NTNG1: variants seen among roughly 807,000 people sequenced by gnomAD.
The protein encoded by NTNG1 is netrin-G1.
A neutral mutation model predicts 54.0 loss-of-function variants in NTNG1; 16 were observed. The observed-to-expected ratio is 0.30, with a 90% CI of 0.20 to 0.45. NTNG1 has a LOEUF of 0.45. Ranked by LOEUF, NTNG1 falls within the 20% of genes least tolerant of loss-of-function variation. NTNG1 has a pLI of 1.00. For synonymous variants in NTNG1, 255 were observed against 263.1 expected, an observed-to-expected ratio of 0.97 and a Z score of 0.30; for missense variants, 530 against 678.7, an observed-to-expected ratio of 0.78 and a Z score of 2.43.
chr1:107,360,770 G>A lies in NTNG1; in HGVS notation c.888-34384G>A, dbSNP rs570744318. Among the ~76,000 whole-genome samples the A allele has an allele frequency of 4.6e-5, 7 of 152,260 alleles. No homozygotes were observed. The South Asian group carries it at 8.3e-4, about 18-fold the overall frequency. The stretch of plus-strand genomic sequence containing the variant: ...ACATCCTATGCTAAGCCCTGTTTAG[G>A]ATGTAAAGATCACTTAATATATGGT... On this transcript the variant is annotated intron_variant, in intron 3 of 7. Coordinates refer to ENST00000370068, the MANE Select transcript of NTNG1 (RefSeq NM_001113226.3).
intron 3 of NTNG1, among the ~76,000 whole-genome samples, chr1:107,375,972 T>C (rs1255993035): frequency 1.3e-5 from 2 of 152,244 alleles, no homozygotes; most frequent in African/African-American, 4.8e-5. Flanking sequence ...GACATTTAAT[T>C]ATTAATCAGT....
At chr1:107,150,703 C>T (rs1023259222) in intron 2 of NTNG1, among the ~76,000 whole-genome samples, 1 of 152,128 alleles carries the variant, frequency 6.6e-6, no homozygotes, top group Admixed American at 6.5e-5. Flanking sequence ...CCAGAGAATG[C>T]TTGCTTAGCA....
At chr1:107,147,948 G>A (rs1254291220) in intron 1 of NTNG1, 121 bp from the exon 2 acceptor site, 5 of 152,106 alleles carry the variant, frequency 3.3e-5, no homozygotes, top group Non-Finnish European at 7.3e-5. Context: ...CTGAGTAAAG[G>A]TTATCTGTAT....
At chr1:107,358,906 A>G (rs1346716830) in intron 3 of NTNG1, among the ~76,000 whole-genome samples, 1 of 152,232 alleles carries the variant, frequency 6.6e-6, no homozygotes, top group African/African-American at 2.4e-5. Flanking sequence ...TGTTAATTCT[A>G]GACTTGACAG....
chr1:107,414,703 C>T (rs979125351), intron 5 of NTNG1, among the ~76,000 whole-genome samples: 8 of 152,034 alleles, frequency 5.3e-5, no homozygotes, highest in Non-Finnish European at 7.4e-5. Flanking sequence ...CAACAGCAAC[C>T]GCAAATAGAA....
chr1:107,250,740 C>G (rs1421336696), intron 2 of NTNG1, among the ~76,000 whole-genome samples: 1 of 118,452 alleles, frequency 8.4e-6, no homozygotes, highest in Non-Finnish European at 1.9e-5. Context: ...GTCAACCAGT[C>G]ATTGGAAGTG....
At chr1:107,210,112 T>C (rs1013444990) in intron 2 of NTNG1, among the ~76,000 whole-genome samples, 1 of 151,942 alleles carries the variant, frequency 6.6e-6, no homozygotes, top group Non-Finnish European at 1.5e-5. Flanking sequence ...GTGAGGACAT[T>C]AACGGAGGGG....
At position 107,481,126 on chromosome 1, in the gene NTNG1, G is replaced by A; in HGVS notation, c.*286G>A. On this transcript the variant is annotated 3_prime_UTR_variant, in exon 8 of 8. Coordinates refer to ENST00000370068, the MANE Select transcript of NTNG1 (RefSeq NM_001113226.3). ...ATTGTGGATTGGAAAGGCTGCGACA[G>A]CCCCCCAAACAGGAAAGACAAAAAA... 2 of 436,902 alleles carry A rather than the reference G, an allele frequency of 4.6e-6. No individual in the cohort carries two copies. Among genetic ancestry groups the A allele is most frequent in the East Asian group, 6.7e-5 (2 of 29,948 alleles). 27.1% of individuals were successfully genotyped at this position (436,902 alleles called of 1,614,324 possible). A position where few individuals can be genotyped will look rare whatever the true frequency, so the allele number is the denominator to read the frequency against.
chr1:107,230,899 TG>T (rs143325270), intron 2 of NTNG1, among the ~76,000 whole-genome samples: 1,714 of 152,312 alleles, frequency 0.011, 26 homozygotes, highest in African/African-American at 0.039. Flanking sequence ...TTTTTTTCTT[TG>T]TACCACGTGA....
chr1:107,459,994 C>CT (rs1229136769), intron 7 of NTNG1, among the ~76,000 whole-genome samples: 2 of 151,940 alleles, frequency 1.3e-5, no homozygotes, highest in Non-Finnish European at 2.9e-5. Context: ...TTGTGGCTCT[C>CT]TTTTTTTTCG....
chr1:107,178,616 T>A (rs981857090), intron 2 of NTNG1, among the ~76,000 whole-genome samples: 4 of 152,192 alleles, frequency 2.6e-5, no homozygotes, highest in African/African-American at 4.8e-5. Flanking sequence ...GGGTACTTGC[T>A]TGATGAAAAA....
At chr1:107,260,022 TTG>T (rs200192544) in intron 2 of NTNG1, among the ~76,000 whole-genome samples, 2,876 of 152,192 alleles carry the variant, frequency 0.019, 98 homozygotes, top group African/African-American at 0.066. Flanking sequence ...TTCTCTTCAT[TTG>T]AATGCAAATT....
intron 2 of NTNG1, among the ~76,000 whole-genome samples, chr1:107,170,307 T>C (rs1656125673): frequency 6.6e-6 from 1 of 152,148 alleles, no homozygotes; most frequent in African/African-American, 2.4e-5. Context: ...GGAAGATAAA[T>C]AAGTTATTTC....
intron 7 of NTNG1, among the ~76,000 whole-genome samples, chr1:107,471,081 CT>C (rs1225306466): frequency 6.6e-6 from 1 of 152,012 alleles, no homozygotes; most frequent in Non-Finnish European, 1.5e-5. Context: ...GCAGTTTTTT[CT>C]ATGGTTTGGC....
At chr1:107,362,308 A>G (rs1670349870) in intron 3 of NTNG1, among the ~76,000 whole-genome samples, 1 of 152,198 alleles carries the variant, frequency 6.6e-6, no homozygotes, top group Admixed American at 6.5e-5. Context: ...ACTAGCTGGC[A>G]GCTTAGGAGA....
intron 2 of NTNG1, among the ~76,000 whole-genome samples, chr1:107,250,723 G>GGTATTTGTAT (rs11282150): frequency 6.6e-6 from 1 of 152,120 alleles, no homozygotes; most frequent in Non-Finnish European, 1.5e-5. Flanking sequence ...AAGAGGGTCG[G>GGTATTTGTAT]CCCTGCGTCA....
chr1:107,196,085 CA>C (rs1174306967), intron 2 of NTNG1, among the ~76,000 whole-genome samples: 1 of 151,944 alleles, frequency 6.6e-6, no homozygotes, highest in Admixed American at 6.6e-5. Context: ...TAGTAGTAGG[CA>C]CTTGATAACT....
intron 6 of NTNG1, among the ~76,000 whole-genome samples, chr1:107,436,034 T>C (rs1337163821): frequency 6.6e-6 from 1 of 151,752 alleles, no homozygotes; most frequent in Non-Finnish European, 1.5e-5. Context: ...ATTATAACTA[T>C]GTTGAAAATT....
intron 2 of NTNG1, among the ~76,000 whole-genome samples, chr1:107,192,528 G>T (rs1658037610): frequency 6.6e-6 from 1 of 151,958 alleles, no homozygotes. Context: ...GAGATTCTTT[G>T]CCAGGTTAAC....
Sources: allele counts gnomAD v4.1 joint callset (sites outside exome capture counted in the v4.1 genomes callset), GRCh38; gene constraint gnomAD v4.1.1; transcripts MANE v1.5; gene names NCBI Gene and HGNC (gene_info 2026-07-23, HGNC 2026-07-21).